ATRNL1: variants seen among roughly 807,000 people sequenced by gnomAD.
ATRNL1 encodes attractin like 1.
ATRNL1 carries 95 observed loss-of-function variants against 182.7 expected under a neutral mutation model. That is an observed-to-expected ratio of 0.52 (90% confidence interval 0.44 to 0.62). The LOEUF is 0.62. Ranked by LOEUF, ATRNL1 falls within the 20% of genes least tolerant of loss-of-function variation. ATRNL1 has a pLI of 0.00. For missense variants in ATRNL1, 1,471 were observed against 1,679.5 expected (o/e 0.88, Z 2.17); for synonymous variants, 576 against 568.3 (o/e 1.01, Z -0.19).
intron 5 of ATRNL1, among the ~76,000 whole-genome samples, chr10:115,131,516 T>C (rs1312417964): frequency 2.6e-5 from 4 of 152,090 alleles, no homozygotes; most frequent in African/African-American, 9.7e-5. Flanking sequence ...GAAGGTAGGA[T>C]TGTGAGCAAA....
intron 20 of ATRNL1, 49 bp from the exon 21 acceptor site, chr10:115,426,201 C>A (rs116465792): frequency 2.0e-6 from 3 of 1,477,522 alleles, no homozygotes; most frequent in Non-Finnish European, 2.8e-6. Flanking sequence ...AAACATGAGG[C>A]TTTTGAATTG....
intron 27 of ATRNL1, among the ~76,000 whole-genome samples, chr10:115,796,135 G>T (rs574649427): frequency 6.6e-6 from 1 of 151,770 alleles, no homozygotes; most frequent in African/African-American, 2.4e-5. Context: ...GCACTCTGCT[G>T]GCTCTCAGAC....
chr10:115,127,538 C>A, intron 3 of ATRNL1, 55 bp from the exon 4 acceptor site: 1 of 1,447,788 alleles, frequency 6.9e-7, no homozygotes, highest in Non-Finnish European at 9.4e-7. Context: ...ATTTTATGTG[C>A]TTAACAGTCT....
chr10:115,880,265 T>C (rs1261104147), intron 28 of ATRNL1, among the ~76,000 whole-genome samples: 1 of 151,982 alleles, frequency 6.6e-6, no homozygotes, highest in Non-Finnish European at 1.5e-5. Flanking sequence ...AGCCTGGCCA[T>C]GGGAGAGGGT....
At chr10:115,901,417 T>C (rs1555113521) in intron 28 of ATRNL1, among the ~76,000 whole-genome samples, 1 of 152,206 alleles carries the variant, frequency 6.6e-6, no homozygotes, top group Non-Finnish European at 1.5e-5. Context: ...TTCTTTAACT[T>C]ATTCTTAAGG....
chr10:115,532,795 A>G (rs1449133120), intron 25 of ATRNL1, among the ~76,000 whole-genome samples: 1 of 151,864 alleles, frequency 6.6e-6, no homozygotes, highest in African/African-American at 2.4e-5. Flanking sequence ...TTTGAGATAC[A>G]TCCCATCAAT....
intron 26 of ATRNL1, among the ~76,000 whole-genome samples, chr10:115,597,088 T>G (rs190777534): frequency 4.3e-4 from 65 of 152,130 alleles, no homozygotes; most frequent in African/African-American, 1.5e-3. Flanking sequence ...CTAGTTTAAA[T>G]AGTCTAGTAA....
intron 10 of ATRNL1, among the ~76,000 whole-genome samples, chr10:115,257,185 T>G (rs1246213538): frequency 2.0e-5 from 3 of 152,210 alleles, no homozygotes; most frequent in African/African-American, 4.8e-5. Flanking sequence ...CTGGATATCC[T>G]TGTTAACCTC....
At chr10:115,217,674 G>A (rs1849286157) in intron 9 of ATRNL1, among the ~76,000 whole-genome samples, 1 of 152,064 alleles carries the variant, frequency 6.6e-6, no homozygotes, top group South Asian at 2.1e-4. Flanking sequence ...GAATATTATT[G>A]TCAGCCCTGG....
At chr10:115,748,219 C>T (rs904687685) in intron 27 of ATRNL1, among the ~76,000 whole-genome samples, 7 of 151,934 alleles carry the variant, frequency 4.6e-5, no homozygotes, top group Admixed American at 2.6e-4. Flanking sequence ...CCAGGGCAGC[C>T]AGCAATGTTG....
rs964511111 is a variant in ATRNL1 at position 115,947,997 on chromosome 10, T to C, written c.*3218T>C. ...ACCGTGGGGACACCAGGCCACTCTTTTTCTACCAGTTGTTTTATGAATCCA... is the reference window on the plus strand; with the variant it reads ...ACCGTGGGGACACCAGGCCACTCTTCTTCTACCAGTTGTTTTATGAATCCA... On this transcript the variant is annotated 3_prime_UTR_variant, in exon 29 of 29. Coordinates refer to ENST00000355044, the MANE Select transcript of ATRNL1 (RefSeq NM_207303.4). The C allele has an allele frequency of 6.6e-6, 1 of 152,210 alleles. No individual in the cohort carries two copies. The highest frequency in any genetic ancestry group is 1.5e-5 in the Non-Finnish European group (1 of 68,024). 9.4% of individuals were successfully genotyped at this position (152,210 alleles called of 1,614,324 possible).
At chr10:115,733,736 G>T (rs1947867785) in intron 27 of ATRNL1, among the ~76,000 whole-genome samples, 1 of 151,464 alleles carries the variant, frequency 6.6e-6, no homozygotes. Flanking sequence ...TTTTCCCCAG[G>T]TTTCCTTTTT....
At chr10:115,832,813 T>C (rs1261246208) in intron 27 of ATRNL1, among the ~76,000 whole-genome samples, 1 of 152,172 alleles carries the variant, frequency 6.6e-6, no homozygotes, top group Admixed American at 6.5e-5. Flanking sequence ...ATCCTGCATC[T>C]CTGTCTCAAC....
At chr10:115,256,519 TTC>T (rs1392138613) in intron 10 of ATRNL1, among the ~76,000 whole-genome samples, 1 of 152,198 alleles carries the variant, frequency 6.6e-6, no homozygotes, top group Non-Finnish European at 1.5e-5. Context: ...TATTTGATTC[TTC>T]TCTCTTTTCT....
chr10:115,352,652 C>T (rs2134128384), intron 19 of ATRNL1, among the ~76,000 whole-genome samples: 1 of 152,228 alleles, frequency 6.6e-6, no homozygotes, highest in African/African-American at 2.4e-5. Context: ...TTGATACTCT[C>T]TTTGGGAGGC....
chr10:115,887,782 A>G (rs1951984229), intron 28 of ATRNL1, among the ~76,000 whole-genome samples: 1 of 150,492 alleles, frequency 6.6e-6, no homozygotes, highest in South Asian at 2.1e-4. Context: ...CCCCATATCT[A>G]ATTTATCACC....
At chr10:115,341,567 T>C (rs1379156109) in intron 19 of ATRNL1, among the ~76,000 whole-genome samples, 7 of 152,152 alleles carry the variant, frequency 4.6e-5, no homozygotes, top group African/African-American at 1.7e-4. Context: ...CTTTGTTGAT[T>C]TTCTTCGAAG....
chr10:115,457,993 C>A (rs559925090), intron 21 of ATRNL1, among the ~76,000 whole-genome samples: 1 of 152,146 alleles, frequency 6.6e-6, no homozygotes, highest in Non-Finnish European at 1.5e-5. Context: ...ATCAATAAAG[C>A]AATAAATTAT....
rs1270092674 is a variant in ATRNL1, at chr10:115,405,912, A to G, written c.3269+11160A>G. 1.3e-4 allele frequency among the ~76,000 whole-genome samples: 18 copies of G among 136,338 alleles called. 1 individual carries two copies. In the South Asian group the frequency reaches 4.1e-3, roughly 31 times the overall value. The allele number at this position is 136,338 out of a possible 152,430, so 89.4% of individuals were successfully genotyped here. ...CTGTGTCCATGTATTCTCATTGTTC[A>G]GTTCCCACCTATGAGTGAGAACATG... On this transcript the variant is annotated intron_variant, in intron 20 of 28. Coordinates refer to ENST00000355044, the MANE Select transcript of ATRNL1 (RefSeq NM_207303.4).
Sources: gnomAD v4.1 joint callset for allele counts (sites outside exome capture counted in the v4.1 genomes callset) on GRCh38, gnomAD v4.1.1 for gene constraint, MANE v1.5 for transcripts, NCBI Gene and HGNC (gene_info 2026-07-23, HGNC 2026-07-21) for gene names.